Variants in PIWIL4 observed in about 807,000 individuals in gnomAD.
PIWIL4 encodes the protein piwi-like protein 4.
PIWIL4 carries 50 observed loss-of-function variants against 100.9 expected under a neutral mutation model. That is an observed-to-expected ratio of 0.50 (90% CI 0.39 to 0.63). The LOEUF (loss-of-function observed/expected upper bound fraction) is 0.63. Among genes scored for constraint, PIWIL4 ranks in the 20% least tolerant of loss-of-function variants. The pLI, the probability that PIWIL4 is intolerant of heterozygous loss-of-function variation, is 0.00. For synonymous variants in PIWIL4, 342 were observed against 367.5 expected (o/e 0.93, Z 0.79); for missense variants, 887 against 1,043.3 (o/e 0.85, Z 2.06).
chr11:94,601,664 C>CA, intron 11 of PIWIL4, 131 bp from the exon 12 acceptor site: 1 of 862,500 alleles, frequency 1.2e-6, no homozygotes, highest in Non-Finnish European at 1.9e-6. Flanking sequence ...GTGCCTGCAT[C>CA]TGTGTTTTAA....
At chr11:94,567,867 T>C (rs2135227921) in intron 1 of PIWIL4, 1 of 1,036,694 alleles carries the variant, frequency 9.6e-7, no homozygotes, top group South Asian at 4.7e-5. Flanking sequence ...TCTTCTACTT[T>C]CTGAGTTTTA....
intron 11 of PIWIL4, 139 bp downstream of exon 11, chr11:94,598,054 A>T (rs1948580173): frequency 3.2e-6 from 2 of 634,752 alleles, no homozygotes; most frequent in Middle Eastern, 3.3e-4. Context: ...AAGACTTCAG[A>T]TCCCCTGTGG....
intron 3 of PIWIL4, among the ~76,000 whole-genome samples, chr11:94,575,562 C>A (rs953922667): frequency 6.6e-6 from 1 of 152,196 alleles, no homozygotes; most frequent in Non-Finnish European, 1.5e-5. Context: ...CTATTGTTTT[C>A]ATTGGATTCT....
intron 4 of PIWIL4, among the ~76,000 whole-genome samples, 183 bp from the exon 5 acceptor site, chr11:94,583,265 G>A (rs1044049042): frequency 6.6e-6 from 1 of 151,982 alleles, no homozygotes; most frequent in African/African-American, 2.4e-5. Context: ...GTTTTTTTAG[G>A]ATTGGCAAGA....
rs144775267 is a variant in PIWIL4, at chr11:94,605,907, T to C, written c.1639-1532T>C. ...CTTTTTCATGTGTCTCCATCTTTCT[T>C]GGAACACTTTCTTACTTTCTGGCAA... On this transcript the variant is annotated intron_variant, in intron 13 of 19. Transcript: ENST00000299001. Among the ~76,000 whole-genome samples the C allele has an allele frequency of 8.5e-5, 13 of 152,360 alleles. No individual in the cohort carries two copies. The East Asian group carries it at 2.5e-3, about 29-fold the overall frequency.
chr11:94,608,827 A>T, intron 15 of PIWIL4, 141 bp downstream of exon 15: 1 of 720,412 alleles, frequency 1.4e-6, no homozygotes, highest in Middle Eastern at 2.5e-4. Flanking sequence ...AATTACACTT[A>T]CATATAAAAA....
chr11:94,581,809 C>G (rs760894134), intron 4 of PIWIL4, among the ~76,000 whole-genome samples: 3 of 152,184 alleles, frequency 2.0e-5, no homozygotes, highest in African/African-American at 7.2e-5. Context: ...AACCCTGTGA[C>G]TTTAGTTAGA....
chr11:94,615,365 A>G (rs61894519), intron 15 of PIWIL4, among the ~76,000 whole-genome samples: 54 of 152,082 alleles, frequency 3.6e-4, no homozygotes, highest in Non-Finnish European at 6.9e-4. Context: ...GTAGGGGAGG[A>G]GCAATGCAGG....
chr11:94,573,113 G>T (rs1385122714), intron 2 of PIWIL4, among the ~76,000 whole-genome samples: 1 of 152,182 alleles, frequency 6.6e-6, no homozygotes, highest in East Asian at 1.9e-4. Flanking sequence ...GTGTAGGAAT[G>T]CTTGTGATTT....
intron 12 of PIWIL4, 113 bp downstream of exon 12, chr11:94,602,092 A>G: frequency 1.0e-6 from 1 of 985,398 alleles, no homozygotes; most frequent in South Asian, 1.7e-5. Context: ...CCTAATGTAA[A>G]GTGCCAAGAA....
rs1197772091 is a variant in PIWIL4 at position 94,587,112 on chromosome 11, G to A, written c.779G>A (p.Ser260Asn). The A allele has an allele frequency of 1.2e-6, 2 of 1,613,966 alleles. No individual in the cohort carries two copies. Among genetic ancestry groups the A allele is most frequent in the South Asian group, 1.1e-5 (1 of 91,076 alleles). ...VSYFERKLLF[S>N]ADVSYKVLRN... The stretch of plus-strand genomic sequence containing the variant: ...TATTTTGAAAGGAAGCTCCTGTTTA[G>A]TGCTGATGTGAGTTACAAAGTCCTC... The change falls in exon 7 of 20, where the codon AGT (serine) becomes AAT (asparagine). Residue 260 changes from serine to asparagine, a missense_variant. Ser to Asn is a conservative substitution (Grantham distance 46, BLOSUM62 1). Coordinates refer to ENST00000299001, the MANE Select transcript of PIWIL4 (RefSeq NM_152431.3).
intron 11 of PIWIL4, among the ~76,000 whole-genome samples, chr11:94,601,559 A>AG (rs1353635488): frequency 6.6e-6 from 1 of 152,240 alleles, no homozygotes; most frequent in Non-Finnish European, 1.5e-5. Flanking sequence ...ATGAGGTTAA[A>AG]GGGACCTCCA....
At chr11:94,568,174 T>C (rs1948102078) in intron 1 of PIWIL4, among the ~76,000 whole-genome samples, 1 of 152,136 alleles carries the variant, frequency 6.6e-6, no homozygotes, top group South Asian at 2.1e-4. Context: ...GTGGTCCTTA[T>C]GCCTTTATTC....
intron 16 of PIWIL4, 69 bp from the exon 17 acceptor site, chr11:94,617,885 A>G (rs767577659): frequency 1.2e-5 from 18 of 1,530,440 alleles, no homozygotes; most frequent in Non-Finnish European, 9.0e-7. Flanking sequence ...ACACTGCAAT[A>G]TATGGGAATG....
rs1331376423 is a variant in PIWIL4, at chr11:94,608,647, T to C, written c.1904T>C (p.Val635Ala). Residue 635 changes from valine to alanine, a missense_variant, in exon 15 of 20, where the codon GTT becomes GCT. Coordinates refer to ENST00000299001, the MANE Select transcript of PIWIL4 (RefSeq NM_152431.3). ...GATGCACTCAGCAAGGACGTGATGG[T>C]TGTTGGATGCGTGGCCAGTGTTAAC... ...CKDALSKDVM[V>A]VGCVASVNPR... The C allele has an allele frequency of 6.2e-7, 1 of 1,614,172 alleles. No homozygotes were observed. The highest frequency in any genetic ancestry group is 1.7e-5 in the Admixed American group (1 of 60,022).
At chr11:94,610,151 A>C (rs1455453155) in intron 15 of PIWIL4, among the ~76,000 whole-genome samples, 1 of 152,002 alleles carries the variant, frequency 6.6e-6, no homozygotes, top group African/African-American at 2.4e-5. Context: ...GGCTTATTTT[A>C]CTTAATATAA....
chr11:94,604,530 C>A (rs1445613378), intron 13 of PIWIL4, among the ~76,000 whole-genome samples: 1 of 152,192 alleles, frequency 6.6e-6, no homozygotes, highest in Non-Finnish European at 1.5e-5. Context: ...GGTGGGACAT[C>A]CACAGTTGCC....
intron 13 of PIWIL4, among the ~76,000 whole-genome samples, chr11:94,606,743 A>G (rs931833625): frequency 3.3e-5 from 5 of 151,932 alleles, no homozygotes; most frequent in African/African-American, 9.7e-5. Flanking sequence ...CTGAGGCACA[A>G]GAATCGCTTG....
chr11:94,577,026 C>T (rs1591777296), intron 3 of PIWIL4, among the ~76,000 whole-genome samples: 1 of 152,150 alleles, frequency 6.6e-6, no homozygotes, highest in South Asian at 2.1e-4. Flanking sequence ...AGATGCTTCT[C>T]GTCTCACAAG....
Sources: gnomAD v4.1 joint callset for allele counts (sites outside exome capture counted in the v4.1 genomes callset) on GRCh38, gnomAD v4.1.1 for gene constraint, MANE v1.5 for transcripts, NCBI Gene and HGNC (gene_info 2026-07-23, HGNC 2026-07-21) for gene names.